CNTNAP2: variants seen among roughly 807,000 people sequenced by gnomAD.
CNTNAP2 encodes contactin associated protein 2.
A neutral mutation model predicts 155.2 loss-of-function variants in CNTNAP2; 98 were observed. That is an observed-to-expected ratio of 0.63 (90% CI 0.54 to 0.75). The LOEUF (loss-of-function observed/expected upper bound fraction) is 0.75, where lower values mean the gene tolerates loss of function less well. Among genes scored for constraint, CNTNAP2 ranks in the 30% least tolerant of loss-of-function variants. The pLI is 0.00. For missense variants in CNTNAP2, 1,727 were observed against 1,688.1 expected (o/e 1.02, Z -0.40); for synonymous variants, 651 against 631.2 (o/e 1.03, Z -0.47).
intron 9 of CNTNAP2, among the ~76,000 whole-genome samples, chr7:147,381,079 A>T (rs2116931853): frequency 6.6e-6 from 1 of 152,286 alleles, no homozygotes; most frequent in East Asian, 1.9e-4. Flanking sequence ...AAGCTGTCTA[A>T]TTCAAGCAAA....
intron 1 of CNTNAP2, among the ~76,000 whole-genome samples, chr7:146,361,370 A>G (rs1358074534): frequency 1.3e-5 from 2 of 152,146 alleles, no homozygotes; most frequent in African/African-American, 4.8e-5. Flanking sequence ...GGGGTTCTGT[A>G]ACCAGTCCCC....
intron 3 of CNTNAP2, among the ~76,000 whole-genome samples, chr7:146,847,299 C>T (rs28492685): frequency 0.039 from 5,902 of 152,076 alleles, 382 homozygotes; most frequent in African/African-American, 0.13. Context: ...TGCCTGGAGA[C>T]GCCTGAGAGG....
chr7:148,002,012 G>A (rs1012608839), intron 15 of CNTNAP2, among the ~76,000 whole-genome samples: 1 of 151,980 alleles, frequency 6.6e-6, no homozygotes, highest in African/African-American at 2.4e-5. Flanking sequence ...TGCCCATAAA[G>A]CTTATTCCTG....
chr7:146,969,281 T>C (rs1266779147), intron 3 of CNTNAP2, among the ~76,000 whole-genome samples: 1 of 152,278 alleles, frequency 6.6e-6, no homozygotes, highest in East Asian at 1.9e-4. Flanking sequence ...AAAAAATGTA[T>C]ATTCTGTTGA....
intron 3 of CNTNAP2, among the ~76,000 whole-genome samples, chr7:146,905,412 T>G (rs1056987222): frequency 1.3e-5 from 2 of 152,164 alleles, no homozygotes; most frequent in Non-Finnish European, 2.9e-5. Flanking sequence ...TACAGAATTC[T>G]TTCTACATTC....
At chr7:146,550,206 A>T (rs1798093990) in intron 1 of CNTNAP2, among the ~76,000 whole-genome samples, 1 of 151,956 alleles carries the variant, frequency 6.6e-6, no homozygotes, top group African/African-American at 2.4e-5. Flanking sequence ...AATAGAAATG[A>T]GTTGTGCCCC....
chr7:146,463,741 C>G (rs1438182495), intron 1 of CNTNAP2, among the ~76,000 whole-genome samples: 2 of 151,340 alleles, frequency 1.3e-5, no homozygotes, highest in Non-Finnish European at 2.9e-5. Flanking sequence ...TATAGAGTAA[C>G]TTAAAATATT....
chr7:147,907,128 C>T (rs1006794917), intron 14 of CNTNAP2, among the ~76,000 whole-genome samples: 6 of 152,082 alleles, frequency 3.9e-5, no homozygotes, highest in Non-Finnish European at 7.4e-5. Context: ...ATGATCTCAG[C>T]TCACTGCAAG....
intron 15 of CNTNAP2, among the ~76,000 whole-genome samples, chr7:148,063,120 T>C (rs969482583): frequency 3.9e-5 from 6 of 151,970 alleles, no homozygotes; most frequent in African/African-American, 1.4e-4. Flanking sequence ...GGGTATCGAG[T>C]TCTAGGTTGA....
chr7:146,237,120 T>G (rs1023555234), intron 1 of CNTNAP2, among the ~76,000 whole-genome samples: 55 of 152,298 alleles, frequency 3.6e-4, no homozygotes, highest in Non-Finnish European at 6.9e-4. Flanking sequence ...GACAACAGGT[T>G]TGTTCCAACA....
intron 13 of CNTNAP2, among the ~76,000 whole-genome samples, chr7:147,717,008 C>T (rs1043341719): frequency 1.3e-5 from 2 of 152,036 alleles, no homozygotes; most frequent in African/African-American, 2.4e-5. Context: ...TTGGCAAATA[C>T]ATAACAATCT....
intron 1 of CNTNAP2, among the ~76,000 whole-genome samples, chr7:146,669,718 A>C (rs951630109): frequency 1.5e-4 from 23 of 152,194 alleles, no homozygotes; most frequent in Admixed American, 6.5e-5. Context: ...GAAGGTCAAA[A>C]CATCTCCCTC....
In CNTNAP2 at chr7:147,647,948, A is replaced by G. The variant is rs543450606; in HGVS notation, c.2098+8642A>G. Among the ~76,000 whole-genome samples the G allele has an allele frequency of 9.2e-5, 14 of 152,256 alleles. No homozygotes were observed. The South Asian group carries it at 2.1e-3, about 23-fold the overall frequency. ...CCTAGAGAGGAAGCCATCCCCTGTC[A>G]TTATCTGTTGGGAGGCTGCTGGAGT... On this transcript the variant is annotated intron_variant, in intron 13 of 23. Coordinates refer to ENST00000361727, the MANE Select transcript of CNTNAP2 (RefSeq NM_014141.6).
intron 13 of CNTNAP2, among the ~76,000 whole-genome samples, chr7:147,724,775 T>C (rs1028562533): frequency 2.0e-5 from 3 of 151,970 alleles, no homozygotes; most frequent in African/African-American, 7.2e-5. Flanking sequence ...CTTTTAAGGA[T>C]AATAGAGCTT....
intron 1 of CNTNAP2, among the ~76,000 whole-genome samples, chr7:146,746,578 C>T (rs1311333892): frequency 1.3e-5 from 2 of 151,994 alleles, no homozygotes; most frequent in East Asian, 1.9e-4. Flanking sequence ...TGAGTCTCTC[C>T]CTTTGAGTTT....
At chr7:147,102,186 C>T (rs1177858204) in intron 4 of CNTNAP2, among the ~76,000 whole-genome samples, 1 of 148,450 alleles carries the variant, frequency 6.7e-6, no homozygotes, top group Admixed American at 6.8e-5. Context: ...ACAATCATTG[C>T]ACCTCAAATG....
intron 1 of CNTNAP2, among the ~76,000 whole-genome samples, chr7:146,651,074 C>A (rs1210893319): frequency 2.6e-5 from 4 of 151,928 alleles, no homozygotes; most frequent in African/African-American, 9.7e-5. Flanking sequence ...CTATCACACT[C>A]TAATACATAA....
intron 1 of CNTNAP2, among the ~76,000 whole-genome samples, chr7:146,283,630 G>C (rs761936355): frequency 2.0e-5 from 3 of 152,148 alleles, no homozygotes; most frequent in Non-Finnish European, 4.4e-5. Context: ...AAAGGTGCTA[G>C]CAGGATATGG....
intron 1 of CNTNAP2, among the ~76,000 whole-genome samples, chr7:146,523,479 C>T (rs943660197): frequency 6.6e-5 from 10 of 152,042 alleles, no homozygotes; most frequent in Middle Eastern, 6.8e-3. Context: ...TAATTTTAAC[C>T]GCCACCAACC....
Sources: allele counts gnomAD v4.1 joint callset (sites outside exome capture counted in the v4.1 genomes callset), GRCh38; gene constraint gnomAD v4.1.1; transcripts MANE v1.5; gene names NCBI Gene and HGNC (gene_info 2026-07-23, HGNC 2026-07-21).